Variants in MILR1 observed in about 807,000 individuals in gnomAD.
MILR1 encodes the protein allergin-1.
A neutral mutation model predicts 18.5 loss-of-function variants in MILR1; 31 were observed. That is an observed-to-expected ratio of 1.68 (90% CI 1.26 to 2.26). The LOEUF (loss-of-function observed/expected upper bound fraction) is 2.26. Ranked by LOEUF, MILR1 falls within the 30% of genes most tolerant of loss-of-function variation. The probability of loss-of-function intolerance (pLI) is 0.00; values close to 1 mark genes in which losing one functional copy is unlikely to be tolerated. For synonymous variants in MILR1, 85 were observed against 56.2 expected, an observed-to-expected ratio of 1.51 and a Z score of -2.30; for missense variants, 257 against 157.4, an observed-to-expected ratio of 1.63 and a Z score of -3.38.
chr17:64,493,741 C>T, the MILR1 span, among the ~76,000 whole-genome samples: 2 of 152,162 alleles, frequency 1.3e-5, no homozygotes, highest in Non-Finnish European at 2.9e-5. Flanking sequence ...CTGCCTTGGC[C>T]TCCCAAAGTG....
chr17:64,497,156 G>A, the MILR1 span: 1 of 662,180 alleles, frequency 1.5e-6, no homozygotes, highest in Admixed American at 2.2e-5. Flanking sequence ...CGCCCACCAT[G>A]GCGGACGCCG....
chr17:64,451,295 T>A (rs2037165959), intron 2 of MILR1, among the ~76,000 whole-genome samples: 1 of 151,922 alleles, frequency 6.6e-6, no homozygotes, highest in African/African-American at 2.4e-5. Context: ...GTACGCACCA[T>A]CATGCCCAGC....
intron 2 of MILR1, among the ~76,000 whole-genome samples, chr17:64,450,805 C>T (rs2037152799): frequency 6.6e-6 from 1 of 152,042 alleles, no homozygotes; most frequent in Non-Finnish European, 1.5e-5. Flanking sequence ...TCAACAGCTG[C>T]ATGGTATTTT....
chr17:64,465,539 C>G lies in MILR1; in HGVS notation c.851C>G (p.Ala284Gly). 3 of 1,604,612 alleles carry G rather than the reference C, an allele frequency of 1.9e-6. No individual in the cohort carries two copies. The highest frequency in any genetic ancestry group is 1.1e-5 in the South Asian group (1 of 88,944). ...TATGCAAATATCCTTGAAAAACAAGCAAGTAAGAGAACTTTGTTGCGTGTT... is the reference window on the plus strand; with the variant it reads ...TATGCAAATATCCTTGAAAAACAAGGAAGTAAGAGAACTTTGTTGCGTGTT... ...GIYANILEKQAKEESVPEVGS... is the reference protein window; with the variant it reads ...GIYANILEKQGKEESVPEVGS... Residue 284 changes from alanine (A) to glycine (G), a missense_variant and splice_region_variant, in exon 6 of 10, where the codon GCA (alanine) becomes GGA (glycine). Ala to Gly is a moderately conservative substitution (Grantham distance 60). Transcript: ENST00000619286.
At chr17:64,485,637 G>C in the MILR1 span, 8 of 1,042,856 alleles carry the variant, frequency 7.7e-6, no homozygotes, top group African/African-American at 3.2e-5. Flanking sequence ...ATTATTTAGA[G>C]TTTATGTTAG....
chr17:64,485,218 C>T, the MILR1 span: 1 of 157,460 alleles, frequency 6.4e-6, no homozygotes, highest in Admixed American at 6.3e-5. Flanking sequence ...TTCAACTTCT[C>T]CTCTCGATTT....
chr17:64,474,152 G>A, the MILR1 span, among the ~76,000 whole-genome samples: 1 of 152,106 alleles, frequency 6.6e-6, no homozygotes, highest in South Asian at 2.1e-4. Flanking sequence ...TTGGCTCACT[G>A]CAATCTCTGC....
At chr17:64,496,749 G>T in the MILR1 span, 1 of 1,613,884 alleles carries the variant, frequency 6.2e-7, no homozygotes. Context: ...TGCCTTCTCT[G>T]ACAGATCTCT....
intron 8 of MILR1, 30 bp downstream of exon 8, chr17:64,466,692 G>A: frequency 6.4e-7 from 1 of 1,557,348 alleles, no homozygotes; most frequent in Non-Finnish European, 8.8e-7. Flanking sequence ...AAGAGGTACT[G>A]GTGAAATGAG....
intron 9 of MILR1, chr17:64,468,022 G>A (rs782134391): frequency 8.5e-5 from 28 of 328,098 alleles, no homozygotes; most frequent in Non-Finnish European, 1.6e-4. Flanking sequence ...AATGCCAAAG[G>A]TGTGCCTTGA....
chr17:64,452,563 G>T, intron 2 of MILR1, 34 bp from the exon 3 acceptor site: 1 of 412,992 alleles, frequency 2.4e-6, no homozygotes, highest in South Asian at 1.3e-4. Flanking sequence ...AGGATCTTAA[G>T]AAGGACTTTT....
intron 5 of MILR1, among the ~76,000 whole-genome samples, chr17:64,463,749 C>T (rs948968573): frequency 9.9e-5 from 15 of 151,734 alleles, no homozygotes; most frequent in Admixed American, 8.5e-4. Context: ...CACCATAGCT[C>T]ACTGTAACCT....
chr17:64,484,838 C>T, the MILR1 span, among the ~76,000 whole-genome samples: 41 of 152,144 alleles, frequency 2.7e-4, no homozygotes, highest in Admixed American at 7.9e-4. Flanking sequence ...TTCCTACAAA[C>T]TCATGGTTCC....
chr17:64,486,932 T>C, the MILR1 span: 1 of 152,260 alleles, frequency 6.6e-6, no homozygotes, highest in Non-Finnish European at 1.5e-5. Flanking sequence ...CATTTCAAAC[T>C]TCTTAAAAAT....
the MILR1 span, among the ~76,000 whole-genome samples, chr17:64,482,224 C>T: frequency 6.6e-6 from 1 of 151,442 alleles, no homozygotes; most frequent in Admixed American, 6.6e-5. Context: ...GTGCCTTAGC[C>T]TCCTGAATAG....
chr17:64,485,407 A>G, the MILR1 span: 1 of 346,768 alleles, frequency 2.9e-6, no homozygotes. Context: ...TCTTCCTCCT[A>G]TGTACCAATG....
chr17:64,482,348 C>T, the MILR1 span, among the ~76,000 whole-genome samples: 1 of 134,490 alleles, frequency 7.4e-6, no homozygotes, highest in Admixed American at 7.4e-5. Flanking sequence ...TTTTTTGAGA[C>T]GGAGTCTCTG....
At chr17:64,495,339 G>A in the MILR1 span, among the ~76,000 whole-genome samples, 17 of 152,128 alleles carry the variant, frequency 1.1e-4, 1 homozygote, top group African/African-American at 4.1e-4. Context: ...CAGCACTTTG[G>A]GGGGCCAAGA....
At chr17:64,468,686 C>T (rs978774207), downstream of MILR1, 4 of 1,048,304 alleles carry the variant, frequency 3.8e-6, no homozygotes, top group Non-Finnish European at 4.6e-6. Flanking sequence ...CTGCTCACAC[C>T]TGTCTGGCAT....
Sources: gnomAD v4.1 joint callset for allele counts (sites outside exome capture counted in the v4.1 genomes callset) on GRCh38, gnomAD v4.1.1 for gene constraint, MANE v1.5 for transcripts, NCBI Gene and HGNC (gene_info 2026-07-23, HGNC 2026-07-21) for gene names.